TCF7L2: variants seen among roughly 807,000 people sequenced by gnomAD.
TCF7L2 encodes the protein transcription factor 7-like 2.
Under a neutral mutation model 77.9 loss-of-function variants are expected in TCF7L2, and 23 were observed. The ratio of observed to expected loss-of-function variants is 0.30; its 90% CI spans 0.21 to 0.42. TCF7L2 has a LOEUF of 0.42. Among genes scored for constraint, TCF7L2 ranks in the 10% least tolerant of loss-of-function variants. The pLI, the probability that TCF7L2 is intolerant of heterozygous loss-of-function variation, is 1.00. For synonymous variants in TCF7L2, 413 were observed against 340.2 expected (o/e 1.21, Z -2.36); for missense variants, 654 against 793.1 (o/e 0.82, Z 2.11).
intron 4 of TCF7L2, among the ~76,000 whole-genome samples, chr10:112,988,181 T>A (rs943443605): frequency 4.6e-5 from 7 of 151,734 alleles, no homozygotes; most frequent in African/African-American, 1.7e-4. Context: ...CACGGCAACC[T>A]CTGTCTCCTG....
At chr10:113,134,709 T>G (rs767161084) in intron 5 of TCF7L2, among the ~76,000 whole-genome samples, 2 of 152,178 alleles carry the variant, frequency 1.3e-5, no homozygotes, top group African/African-American at 2.4e-5. Context: ...GAAAAATGCA[T>G]AGAGGTGGAC....
rs112301086 is a variant in TCF7L2, at chr10:113,093,548, T to C, written c.553-47636T>C. Among the ~76,000 whole-genome samples, 926 of 152,360 alleles carry C rather than the reference T, an allele frequency of 6.1e-3. 8 individuals carry two copies. Among genetic ancestry groups the C allele is most frequent in the Non-Finnish European group, 8.9e-3 (606 of 68,028 alleles). On this transcript the variant is annotated intron_variant, in intron 5 of 13. Coordinates refer to ENST00000627217, the MANE Select transcript of TCF7L2 (RefSeq NM_001146274.2). ...TTTCTGTTCCATCTACATTTCAAAT[T>C]CATTGTCCCTTCTCTTTCTTTCCAT... is the stretch of plus-strand genomic sequence containing the variant.
At chr10:113,133,329 T>TTA (rs2066896744) in intron 5 of TCF7L2, 1 of 152,216 alleles carries the variant, frequency 6.6e-6, no homozygotes, top group Non-Finnish European at 1.5e-5. Context: ...AACACCTTCT[T>TTA]TATTTTCCAG....
At chr10:112,956,902 T>G (rs982669344) in intron 3 of TCF7L2, among the ~76,000 whole-genome samples, 3 of 152,096 alleles carry the variant, frequency 2.0e-5, no homozygotes, top group Admixed American at 1.3e-4. Flanking sequence ...GAGGTGGTGG[T>G]ATCCTAATGC....
intron 6 of TCF7L2, among the ~76,000 whole-genome samples, chr10:113,141,870 A>G (rs1385825226): frequency 1.3e-5 from 2 of 152,194 alleles, no homozygotes; most frequent in African/African-American, 2.4e-5. Context: ...TTTTTCCCCT[A>G]CAATATTCTA....
At chr10:112,993,923 C>T (rs1017727222) in intron 4 of TCF7L2, among the ~76,000 whole-genome samples, 3 of 152,020 alleles carry the variant, frequency 2.0e-5, no homozygotes, top group Non-Finnish European at 2.9e-5. Context: ...GGCGTGGTGG[C>T]GCATGCCTGT....
At chr10:113,036,100 TCATCATCATCATCAC>T (rs1210310673) in intron 4 of TCF7L2, among the ~76,000 whole-genome samples, 2 of 130,740 alleles carry the variant, frequency 1.5e-5, no homozygotes, top group South Asian at 2.6e-4. Context: ...TGTCGCCATA[TCATCATCATCATCAC>T]CATCATCATC....
intron 5 of TCF7L2, among the ~76,000 whole-genome samples, chr10:113,104,762 C>G (rs2062072481): frequency 6.6e-6 from 1 of 152,178 alleles, no homozygotes; most frequent in Non-Finnish European, 1.5e-5. Context: ...AGGTGACACT[C>G]AAGGAACACA....
intron 5 of TCF7L2, among the ~76,000 whole-genome samples, chr10:113,063,204 T>C (rs116790870): frequency 0.013 from 1,971 of 152,260 alleles, 46 homozygotes; most frequent in African/African-American, 0.045. Flanking sequence ...CCCCACCCGA[T>C]GCCTACATAT....
intron 5 of TCF7L2, among the ~76,000 whole-genome samples, chr10:113,060,090 A>C (rs142983151): frequency 2.0e-5 from 3 of 152,222 alleles, no homozygotes; most frequent in African/African-American, 7.2e-5. Context: ...TTCAGCGGAT[A>C]CCCTGTTAGT....
intron 3 of TCF7L2, 83 bp downstream of exon 3, chr10:112,951,690 C>A: frequency 1.3e-6 from 1 of 779,382 alleles, no homozygotes; most frequent in Non-Finnish European, 1.6e-6. Context: ...CCCTGCCCTG[C>A]CCCCTCCCCG....
chr10:113,033,297 T>G (rs964950793), intron 4 of TCF7L2, among the ~76,000 whole-genome samples: 5 of 151,950 alleles, frequency 3.3e-5, no homozygotes, highest in Non-Finnish European at 5.9e-5. Context: ...CTTGCTCTGT[T>G]GCTCAGGCTG....
At chr10:113,139,811 TAAAAAA>T (rs34407643) in intron 5 of TCF7L2, among the ~76,000 whole-genome samples, 5 of 138,362 alleles carry the variant, frequency 3.6e-5, no homozygotes, top group South Asian at 4.6e-4. Context: ...CTCACCCATT[TAAAAAA>T]AAAAAAAAAA....
intron 12 of TCF7L2, among the ~76,000 whole-genome samples, chr10:113,160,243 C>T (rs1400231329): frequency 1.3e-5 from 2 of 152,018 alleles, no homozygotes; most frequent in South Asian, 2.1e-4. Context: ...TAGCGCGCCC[C>T]CTCCCAGGGA....
chr10:113,047,785 C>T (rs1258961457), intron 5 of TCF7L2, among the ~76,000 whole-genome samples: 1 of 152,116 alleles, frequency 6.6e-6, no homozygotes, highest in African/African-American at 2.4e-5. Context: ...GCCGTTGGCT[C>T]CTGTGATTAA....
rs3830991 is a variant in TCF7L2 at position 113,144,100 on chromosome 10, C to CTGTGTGTGTG, written c.788+103_788+112dup. On this transcript the variant is annotated intron_variant, in intron 7 of 13. Transcript: ENST00000627217. ...TTTATTATTTATTCTGTGTGTGTGTCTGTGTGTGTGTGTGTGTGTGTGTGT... is the reference window on the plus strand; with the variant it reads ...TTTATTATTTATTCTGTGTGTGTGTCTGTGTGTGTGTGTGTGTGTGTGTGTGTGTGTGTGT... 3.7e-3 allele frequency: 2,444 copies of CTGTGTGTGTG among 653,282 alleles called. 39 individuals are homozygous for CTGTGTGTGTG. In the African/African-American group the frequency reaches 0.045, roughly 12 times the overall value. 40.5% of individuals were successfully genotyped at this position (653,282 alleles called of 1,614,324 possible). A position where few individuals can be genotyped will look rare whatever the true frequency, so the allele number is the denominator to read the frequency against.
chr10:113,110,655 T>A (rs2063012198), intron 5 of TCF7L2, among the ~76,000 whole-genome samples: 1 of 152,338 alleles, frequency 6.6e-6, no homozygotes, highest in African/African-American at 2.4e-5. Flanking sequence ...AATTTATAGT[T>A]GGAAAAGGAG....
chr10:113,155,088 C>T (rs2071587817), intron 11 of TCF7L2, among the ~76,000 whole-genome samples: 1 of 151,118 alleles, frequency 6.6e-6, no homozygotes, highest in Non-Finnish European at 1.5e-5. Context: ...CTGAGATCTT[C>T]TCATGGCTCT....
chr10:112,997,956 C>G (rs1467957588), intron 4 of TCF7L2, among the ~76,000 whole-genome samples: 2 of 151,842 alleles, frequency 1.3e-5, no homozygotes, highest in Admixed American at 1.3e-4. Context: ...ACCCCGTGTG[C>G]AAAAGATGAT....
Sources: gnomAD v4.1 joint callset for allele counts (sites outside exome capture counted in the v4.1 genomes callset) on GRCh38, gnomAD v4.1.1 for gene constraint, MANE v1.5 for transcripts, NCBI Gene and HGNC (gene_info 2026-07-23, HGNC 2026-07-21) for gene names.